Variants in POLR3E observed in about 807,000 individuals in gnomAD.
The protein encoded by POLR3E is DNA-directed RNA polymerase III subunit RPC5.
In POLR3E, 41 loss-of-function variants were observed where a neutral mutation model predicts 96.6. The ratio of observed to expected loss-of-function variants is 0.42; its 90% CI spans 0.33 to 0.55. The LOEUF is 0.55. Among genes scored for constraint, POLR3E ranks in the 20% least tolerant of loss-of-function variants. The pLI is 0.06. For missense variants in POLR3E, 849 were observed against 952.1 expected, an observed-to-expected ratio of 0.89 and a Z score of 1.43; for synonymous variants, 396 against 383.6, an observed-to-expected ratio of 1.03 and a Z score of -0.38.
rs1463849040 is a variant in POLR3E at position 22,325,240 on chromosome 16, T to C, written c.1322T>C (p.Met441Thr). ...GTCTATAATCTTGTAAAGGAAACCA[T>C]GCCAAAGAAGCCGGATGCACAATCA... is the stretch of plus-strand genomic sequence containing the variant. ...EKVYNLVKET[M>T]PKKPDAQSGP... The change falls in exon 17 of 21, where the codon ATG becomes ACG. Residue 441 changes from methionine (M) to threonine (T), a missense_variant. Physicochemically the swap from Met to Thr is moderately conservative, Grantham distance 81. Coordinates refer to ENST00000299853, the MANE Select transcript of POLR3E (RefSeq NM_018119.4). The C allele has an allele frequency of 6.8e-6, 11 of 1,613,790 alleles. No individual in the cohort carries two copies. The highest frequency in any genetic ancestry group is 8.5e-6 in the Non-Finnish European group (10 of 1,179,818).
rs973049404 is a variant in POLR3E, at chr16:22,313,960, G to C, written c.473-119G>C. 4 of 886,018 alleles carry C rather than the reference G, an allele frequency of 4.5e-6. No individual in the cohort carries two copies. The Admixed American group carries it at 7.7e-5, about 17-fold the overall frequency. 54.9% of individuals were successfully genotyped at this position (886,018 alleles called of 1,614,324 possible). ...CGATTGAGAACCACTGGCTTAGGCA[G>C]CTCCCTCTGCGAGGAGAACTCCCAG... On this transcript the variant is annotated intron_variant, in intron 7 of 20. Transcript: ENST00000299853. The surrounding 1 kb of genome is among the most constrained non-coding windows in gnomAD (Gnocchi z 4.1).
At chr16:22,299,394 G>A (rs2047973403) in intron 1 of POLR3E, among the ~76,000 whole-genome samples, 1 of 150,708 alleles carries the variant, frequency 6.6e-6, no homozygotes, top group Non-Finnish European at 1.5e-5. Flanking sequence ...CTTAGGCAGG[G>A]AAATAATATG....
At chr16:22,303,642 T>C (rs888986751) in intron 2 of POLR3E, among the ~76,000 whole-genome samples, 6 of 139,120 alleles carry the variant, frequency 4.3e-5, no homozygotes, top group African/African-American at 9.1e-5. Context: ...GATTTCCCTT[T>C]TTTTTTTTTT....
At position 22,306,593 on chromosome 16, in the gene POLR3E, G is replaced by C. The variant is rs1479732610; in HGVS notation, c.87+1387G>C. Among the ~76,000 whole-genome samples the C allele has an allele frequency of 1.3e-5, 2 of 152,182 alleles. 1 individual carries two copies. The highest frequency in any genetic ancestry group is 3.8e-4 in the East Asian group (2 of 5,202). ...ACTGATGAATAATGTTCCATTGTAT[G>C]GGAGACCACAGTTTGTTTATCCATT... is the stretch of plus-strand genomic sequence containing the variant. On this transcript the variant is annotated intron_variant, in intron 3 of 20. Coordinates refer to ENST00000299853, the MANE Select transcript of POLR3E (RefSeq NM_018119.4).
chr16:22,315,378 C>T (rs1195118927), intron 9 of POLR3E, among the ~76,000 whole-genome samples, 170 bp downstream of exon 9: 2 of 152,170 alleles, frequency 1.3e-5, no homozygotes, highest in African/African-American at 4.8e-5. Context: ...AGCCACTTAG[C>T]GTGGGCCCCA....
rs112104384 is a variant in POLR3E, at chr16:22,313,283, G to T, written c.365-337G>T. On this transcript the variant is annotated intron_variant, in intron 6 of 20. Coordinates refer to ENST00000299853, the MANE Select transcript of POLR3E (RefSeq NM_018119.4). This position sits in a 1 kb window ranked among gnomAD's most constrained non-coding sequence, Gnocchi z 4.1. ...AGGCCTGGAGGGTAAACAGCAGGGCGAATTTGATGAGGATTAGCTGCCTAG... is the reference window on the plus strand; with the variant it reads ...AGGCCTGGAGGGTAAACAGCAGGGCTAATTTGATGAGGATTAGCTGCCTAG... Among the ~76,000 whole-genome samples the T allele has an allele frequency of 6.6e-6, 1 of 152,202 alleles. No homozygotes were observed. Among genetic ancestry groups the T allele is most frequent in the Non-Finnish European group, 1.5e-5 (1 of 68,034 alleles).
At chr16:22,310,346 G>T in intron 6 of POLR3E, 6 of 153,512 alleles carry the variant, frequency 3.9e-5, no homozygotes, top group East Asian at 1.9e-4. Flanking sequence ...GAGTGCAGTG[G>T]CACAGTCTCG....
chr16:22,300,742 C>T (rs1017516392), intron 1 of POLR3E, among the ~76,000 whole-genome samples: 3 of 152,230 alleles, frequency 2.0e-5, no homozygotes, highest in Non-Finnish European at 2.9e-5. Context: ...GGGACTGTTA[C>T]GATAGCTGTT....
chr16:22,309,717 C>G, intron 6 of POLR3E: 1 of 597,090 alleles, frequency 1.7e-6, no homozygotes, highest in Non-Finnish European at 3.0e-6. Context: ...TGGACACTGC[C>G]TGACCAGATG....
In POLR3E at chr16:22,328,581, T is replaced by C; in HGVS notation, c.1938T>C (p.Ser646=). The C allele has an allele frequency of 6.2e-7, 1 of 1,613,314 alleles. No homozygotes were observed. The highest frequency in any genetic ancestry group is 8.5e-7 in the Non-Finnish European group (1 of 1,179,442). ...CCCTCTGGGAGTCTGGAGACATGAG[T>C]GATCAGGTGAGGTGAACTTTGCTGC... is the stretch of plus-strand genomic sequence containing the variant. ...VFALWESGDM[S]DQHRQVLLEI... The change falls in exon 19 of 21, where the codon AGT becomes AGC. Residue 646 remains serine (S), a synonymous_variant. Transcript: ENST00000299853.
At chr16:22,299,435 A>T (rs1294601066) in intron 1 of POLR3E, among the ~76,000 whole-genome samples, 1 of 128,132 alleles carries the variant, frequency 7.8e-6, no homozygotes. Flanking sequence ...TTTTTTTGAG[A>T]TGGAGTCTTG....
Position 22,333,835 on chromosome 16 carries a change from G to A in POLR3E, c.*135G>A. On this transcript the variant is annotated 3_prime_UTR_variant, in exon 21 of 21. Transcript: ENST00000299853. ...ATCTCATGACCTGTGGCATTGCACG[G>A]TGCAGTGGACAGAAGGGATTATCCT... The A allele has an allele frequency of 1.5e-6, 1 of 656,980 alleles. No homozygotes were observed. Among genetic ancestry groups the A allele is most frequent in the East Asian group, 2.7e-5 (1 of 37,390 alleles). 40.7% of individuals were successfully genotyped at this position (656,980 alleles called of 1,614,324 possible).
intron 17 of POLR3E, 90 bp from the exon 18 acceptor site, chr16:22,325,671 G>T: frequency 7.0e-7 from 1 of 1,428,232 alleles, no homozygotes; most frequent in Non-Finnish European, 9.2e-7. Context: ...ACCAGGACGG[G>T]ACCACTTGCT....
intron 17 of POLR3E, 99 bp from the exon 18 acceptor site, chr16:22,325,662 C>G: frequency 7.3e-7 from 1 of 1,372,138 alleles, no homozygotes; most frequent in East Asian, 2.5e-5. Flanking sequence ...GGGGATGAGA[C>G]CAGGACGGGA....
intron 13 of POLR3E, among the ~76,000 whole-genome samples, chr16:22,320,541 G>A (rs911811624): frequency 2.6e-5 from 4 of 152,172 alleles, no homozygotes; most frequent in Admixed American, 6.5e-5. Context: ...GATTACAGGC[G>A]TGAGCTACCG....
chr16:22,319,303 G>T (rs1054921721), intron 13 of POLR3E, among the ~76,000 whole-genome samples: 1 of 152,116 alleles, frequency 6.6e-6, no homozygotes, highest in Non-Finnish European at 1.5e-5. Flanking sequence ...GGAGCATTTG[G>T]TCCTTTTAAA....
intron 3 of POLR3E, among the ~76,000 whole-genome samples, chr16:22,307,480 T>C (rs2048157614): frequency 1.3e-5 from 2 of 152,182 alleles, no homozygotes; most frequent in South Asian, 4.1e-4. Context: ...GTCCAGACTT[T>C]GACTCCTTCA....
At chr16:22,321,366 G>A (rs1414956783) in intron 13 of POLR3E, among the ~76,000 whole-genome samples, 1 of 152,220 alleles carries the variant, frequency 6.6e-6, no homozygotes, top group Non-Finnish European at 1.5e-5. Flanking sequence ...TGCCTTGAAA[G>A]CTCCTCATAG....
intron 16 of POLR3E, 116 bp from the exon 17 acceptor site, chr16:22,325,089 C>G: frequency 1.2e-6 from 1 of 828,142 alleles, no homozygotes; most frequent in East Asian, 2.4e-5. Flanking sequence ...GGCTGAGCTC[C>G]AAGCCTGCGC....
Sources: allele counts gnomAD v4.1 joint callset (sites outside exome capture counted in the v4.1 genomes callset), GRCh38; gene constraint gnomAD v4.1.1; non-coding constraint Gnocchi (gnomAD v3.1); transcripts MANE v1.5; gene names NCBI Gene and HGNC (gene_info 2026-07-23, HGNC 2026-07-21).